ARL15: variants seen among roughly 807,000 people sequenced by gnomAD.
ARL15 encodes ARF like GTPase 15.
In ARL15, 19 loss-of-function variants were observed where a neutral mutation model predicts 25.2. That is an observed-to-expected ratio of 0.75 (90% CI 0.53 to 1.10). The LOEUF (loss-of-function observed/expected upper bound fraction) is 1.10, where lower values mean the gene tolerates loss of function less well. ARL15 is among the 50% of genes least tolerant of loss of function. ARL15 has a pLI of 0.00. For missense variants in ARL15, 220 were observed against 246.0 expected, an observed-to-expected ratio of 0.89 and a Z score of 0.71; for synonymous variants, 94 against 86.8, an observed-to-expected ratio of 1.08 and a Z score of -0.46.
intron 4 of ARL15, among the ~76,000 whole-genome samples, chr5:53,920,303 C>A (rs1745804517): frequency 6.6e-6 from 1 of 152,104 alleles, no homozygotes; most frequent in Non-Finnish European, 1.5e-5. Flanking sequence ...GGGTCCCACA[C>A]TATGTTTTTC....
chr5:53,900,910 C>CCAGAAAT (rs978436833), intron 4 of ARL15, among the ~76,000 whole-genome samples: 1 of 152,206 alleles, frequency 6.6e-6, no homozygotes, highest in African/African-American at 2.4e-5. Flanking sequence ...GAGAACCACT[C>CCAGAAAT]CAGAAATCTC....
chr5:53,938,166 C>T (rs912417095), intron 4 of ARL15, among the ~76,000 whole-genome samples: 6 of 151,830 alleles, frequency 4.0e-5, no homozygotes, highest in African/African-American at 1.5e-4. Context: ...TTTGCTTTTA[C>T]TTGTATGGCT....
intron 4 of ARL15, among the ~76,000 whole-genome samples, chr5:53,987,181 A>G (rs1748323645): frequency 6.6e-6 from 1 of 152,210 alleles, no homozygotes; most frequent in East Asian, 1.9e-4. Context: ...ATGTTTTGAA[A>G]AGGTCATCTT....
intron 3 of ARL15, among the ~76,000 whole-genome samples, chr5:54,116,973 A>G (rs1176576901): frequency 1.3e-5 from 2 of 152,222 alleles, no homozygotes; most frequent in Non-Finnish European, 2.9e-5. Context: ...CACATACATT[A>G]ATGGAAATAT....
At chr5:54,073,027 T>C (rs146561254) in intron 4 of ARL15, among the ~76,000 whole-genome samples, 5 of 152,218 alleles carry the variant, frequency 3.3e-5, no homozygotes, top group African/African-American at 1.2e-4. Flanking sequence ...AAATTGGTTA[T>C]GCATTACTTT....
chr5:54,033,500 T>C (rs1750063558), intron 4 of ARL15, among the ~76,000 whole-genome samples: 1 of 150,762 alleles, frequency 6.6e-6, no homozygotes, highest in South Asian at 2.1e-4. Flanking sequence ...AAACCCCATC[T>C]CTACTAAAAA....
At chr5:53,966,308 C>T (rs113099130) in intron 4 of ARL15, among the ~76,000 whole-genome samples, 1 of 152,290 alleles carries the variant, frequency 6.6e-6, no homozygotes, top group South Asian at 2.1e-4. Flanking sequence ...GAAGGTTGTA[C>T]CCCAGGGAGG....
chr5:54,223,416 G>A (rs1029539422), intron 1 of ARL15, among the ~76,000 whole-genome samples: 5 of 152,058 alleles, frequency 3.3e-5, no homozygotes, highest in South Asian at 2.1e-4. Flanking sequence ...TTTAGAGTTC[G>A]CACACAGTAG....
chr5:54,256,423 A>T (rs902622841), intron 1 of ARL15, among the ~76,000 whole-genome samples: 1 of 149,522 alleles, frequency 6.7e-6, no homozygotes, highest in Non-Finnish European at 1.5e-5. Flanking sequence ...TAAAAAAAAA[A>T]AAAAAAAAAA....
In ARL15 at chr5:54,178,243, T is replaced by A. The variant is rs139157697; in HGVS notation, c.49-6315A>T. On this transcript the variant is annotated intron_variant, in intron 1 of 4. Transcript: ENST00000504924. The stretch of plus-strand genomic sequence containing the variant: ...TTCCCAGCCCTTTGGGACATGGCAT[T>A]TGTTTCAATTGATGCTCTGTTTTTC... 2.2e-3 allele frequency among the ~76,000 whole-genome samples: 341 copies of A among 152,338 alleles called. 1 individual carries two copies. Among genetic ancestry groups the A allele is most frequent in the South Asian group, 9.3e-3 (45 of 4,830 alleles).
intron 1 of ARL15, among the ~76,000 whole-genome samples, chr5:54,213,633 T>C (rs528076155): frequency 6.9e-4 from 105 of 152,304 alleles, no homozygotes; most frequent in African/African-American, 2.5e-3. Context: ...GAGAACGTTC[T>C]GGAGGAAAAT....
At chr5:53,939,647 A>C (rs1222654321) in intron 4 of ARL15, among the ~76,000 whole-genome samples, 2 of 151,926 alleles carry the variant, frequency 1.3e-5, no homozygotes, top group Admixed American at 6.6e-5. Flanking sequence ...AGGCAGGAGA[A>C]TTGCTTGAAC....
At chr5:53,925,567 C>G (rs1285231326) in intron 4 of ARL15, among the ~76,000 whole-genome samples, 1 of 152,074 alleles carries the variant, frequency 6.6e-6, no homozygotes. Flanking sequence ...CTTTGGGAGG[C>G]CAAGGCAGGA....
At chr5:53,968,791 G>A (rs953856035) in intron 4 of ARL15, among the ~76,000 whole-genome samples, 3 of 152,026 alleles carry the variant, frequency 2.0e-5, no homozygotes, top group South Asian at 4.2e-4. Context: ...TTACAGGCGT[G>A]AGCCACCGCT....
intron 4 of ARL15, among the ~76,000 whole-genome samples, chr5:53,957,499 G>A (rs1747197508): frequency 6.6e-6 from 1 of 151,778 alleles, no homozygotes; most frequent in Admixed American, 6.6e-5. Flanking sequence ...ACACTAGATA[G>A]TAAGTCAAAG....
intron 4 of ARL15, among the ~76,000 whole-genome samples, chr5:53,971,358 TA>T (rs961459446): frequency 1.3e-5 from 2 of 152,168 alleles, no homozygotes; most frequent in African/African-American, 4.8e-5. Context: ...TGGATTGTCC[TA>T]GGGGGTTTGA....
At chr5:54,047,030 C>T (rs1750543289) in intron 4 of ARL15, among the ~76,000 whole-genome samples, 1 of 152,130 alleles carries the variant, frequency 6.6e-6, no homozygotes, top group South Asian at 2.1e-4. Flanking sequence ...GGAACTGGGA[C>T]TTTGGATCAG....
intron 1 of ARL15, among the ~76,000 whole-genome samples, chr5:54,261,013 C>T (rs1353515189): frequency 6.6e-6 from 1 of 152,148 alleles, no homozygotes. Context: ...CTGATCTAAA[C>T]CCCTAGAAGA....
chr5:54,018,168 A>C (rs1330400825), intron 4 of ARL15, among the ~76,000 whole-genome samples: 1 of 152,174 alleles, frequency 6.6e-6, no homozygotes, highest in Non-Finnish European at 1.5e-5. Flanking sequence ...ATAAGCACAA[A>C]AACTCTAATG....
Sources: allele counts gnomAD v4.1 joint callset (sites outside exome capture counted in the v4.1 genomes callset), GRCh38; gene constraint gnomAD v4.1.1; transcripts MANE v1.5; gene names NCBI Gene and HGNC (gene_info 2026-07-23, HGNC 2026-07-21).